Variants in COL5A2 observed in about 807,000 individuals in gnomAD.
COL5A2 encodes the protein collagen type V alpha 2 chain, also known as collagen alpha-2(V) chain.
Under a neutral mutation model 208.2 loss-of-function variants are expected in COL5A2, and 23 were observed. That is an observed-to-expected ratio of 0.11 (90% CI 0.08 to 0.16). COL5A2 has a LOEUF of 0.16. Among genes scored for constraint, COL5A2 ranks in the 10% least tolerant of loss-of-function variants. COL5A2 has a pLI of 1.00. For missense variants in COL5A2, 1,590 were observed against 1,956.4 expected, an observed-to-expected ratio of 0.81 and a Z score of 3.53; for synonymous variants, 625 against 628.5, an observed-to-expected ratio of 0.99 and a Z score of 0.08.
At chr2:189,256,276 G>T in the COL5A2 span, among the ~76,000 whole-genome samples, 1 of 152,306 alleles carries the variant, frequency 6.6e-6, no homozygotes, top group South Asian at 2.1e-4. Context: ...AAACAGATTG[G>T]AGGGACAAGA....
intron 1 of COL5A2, among the ~76,000 whole-genome samples, chr2:189,123,607 G>A (rs961121515): frequency 6.6e-6 from 1 of 152,130 alleles, no homozygotes; most frequent in Admixed American, 6.5e-5. Flanking sequence ...AAGTAACACA[G>A]GTGTATGGTC....
chr2:189,302,705 A>C, the COL5A2 span, among the ~76,000 whole-genome samples: 1 of 152,136 alleles, frequency 6.6e-6, no homozygotes, highest in Non-Finnish European at 1.5e-5. Context: ...AGCATGATGA[A>C]ATCTTGAACT....
At chr2:189,182,149 G>A (rs931542332), upstream of COL5A2, among the ~76,000 whole-genome samples, 1 of 152,164 alleles carries the variant, frequency 6.6e-6, no homozygotes, top group African/African-American at 2.4e-5. Context: ...ATATGTGGTT[G>A]AATTCAGAAT....
chr2:189,036,418 T>G (rs1685444684), intron 52 of COL5A2, among the ~76,000 whole-genome samples, 198 bp downstream of exon 52: 1 of 152,122 alleles, frequency 6.6e-6, no homozygotes, highest in Non-Finnish European at 1.5e-5. Context: ...AATTCAAAAT[T>G]TATGTTAACT....
At chr2:189,405,239 T>C in the COL5A2 span, among the ~76,000 whole-genome samples, 3 of 150,106 alleles carry the variant, frequency 2.0e-5, no homozygotes, top group South Asian at 6.4e-4. Context: ...GCCTTTTTTT[T>C]CTTTTTTTTT....
the COL5A2 span, among the ~76,000 whole-genome samples, chr2:189,326,096 CAAAA>C: frequency 8.3e-5 from 8 of 96,836 alleles, no homozygotes; most frequent in Admixed American, 1.0e-4. Context: ...GACCCTGTCT[CAAAA>C]AAAAAAAAAA....
intron 41 of COL5A2, among the ~76,000 whole-genome samples, chr2:189,051,807 T>C (rs1390260476): frequency 2.0e-5 from 3 of 152,238 alleles, no homozygotes; most frequent in African/African-American, 7.2e-5. Context: ...TATTCTGAGA[T>C]AATTATTTAT....
the COL5A2 span, among the ~76,000 whole-genome samples, chr2:189,367,236 G>A: frequency 6.6e-6 from 1 of 152,038 alleles, no homozygotes; most frequent in East Asian, 1.9e-4. Context: ...CCAACTGCCC[G>A]AATTGGCCCA....
the COL5A2 span, among the ~76,000 whole-genome samples, chr2:189,346,056 T>C: frequency 3.3e-5 from 5 of 152,238 alleles, no homozygotes; most frequent in Non-Finnish European, 7.3e-5. Flanking sequence ...AATATAATGA[T>C]GATTAGTTTA....
the COL5A2 span, among the ~76,000 whole-genome samples, chr2:189,241,645 C>T: frequency 6.6e-6 from 1 of 152,192 alleles, no homozygotes; most frequent in East Asian, 1.9e-4. Flanking sequence ...ATGATCACAC[C>T]CCTGTACTCC....
At chr2:189,180,375 GC>G (rs1172395350), upstream of COL5A2, among the ~76,000 whole-genome samples, 1 of 152,154 alleles carries the variant, frequency 6.6e-6, no homozygotes, top group Non-Finnish European at 1.5e-5. Flanking sequence ...AATTAAGAAA[GC>G]ATGTCCTTTC....
chr2:189,122,648 T>C (rs1559114168), intron 1 of COL5A2, among the ~76,000 whole-genome samples: 1 of 152,232 alleles, frequency 6.6e-6, no homozygotes, highest in Non-Finnish European at 1.5e-5. Context: ...TAAACTCTAC[T>C]GGGCTGTACA....
the COL5A2 span, among the ~76,000 whole-genome samples, chr2:189,428,918 T>C: frequency 2.0e-5 from 3 of 152,116 alleles, no homozygotes; most frequent in South Asian, 2.1e-4. Context: ...TGTCAAAAAA[T>C]AGAAAGTAGA....
the COL5A2 span, among the ~76,000 whole-genome samples, chr2:189,313,751 T>G: frequency 6.6e-6 from 1 of 152,152 alleles, no homozygotes; most frequent in African/African-American, 2.4e-5. Context: ...GAGGAAAATC[T>G]ACCAAGAAAA....
chr2:189,230,979 G>C, the COL5A2 span, among the ~76,000 whole-genome samples: 8 of 151,850 alleles, frequency 5.3e-5, no homozygotes, highest in Non-Finnish European at 8.8e-5. Context: ...ACATACAATG[G>C]AATATTATTC....
chr2:189,398,525 T>C, the COL5A2 span, among the ~76,000 whole-genome samples: 1 of 152,152 alleles, frequency 6.6e-6, no homozygotes, highest in Non-Finnish European at 1.5e-5. Context: ...TCTCTCTTTA[T>C]CACCTATAAT....
intron 4 of COL5A2, among the ~76,000 whole-genome samples, chr2:189,099,313 C>A (rs1687001511): frequency 6.6e-6 from 1 of 152,066 alleles, no homozygotes; most frequent in African/African-American, 2.4e-5. Flanking sequence ...GTAAACACTG[C>A]TAAATAAATC....
At chr2:189,100,357 C>T (rs973808161) in intron 3 of COL5A2, among the ~76,000 whole-genome samples, 11 of 151,966 alleles carry the variant, frequency 7.2e-5, no homozygotes, top group African/African-American at 2.7e-4. Context: ...AAAAATCCAG[C>T]GTGTGAAATA....
chr2:189,299,072 T>C, the COL5A2 span, among the ~76,000 whole-genome samples: 1 of 152,212 alleles, frequency 6.6e-6, no homozygotes, highest in East Asian at 1.9e-4. Context: ...TTTCTAAAGT[T>C]GTATTTTGCT....
Sources: gnomAD v4.1 joint callset for allele counts (sites outside exome capture counted in the v4.1 genomes callset) on GRCh38, gnomAD v4.1.1 for gene constraint, MANE v1.5 for transcripts, NCBI Gene and HGNC (gene_info 2026-07-23, HGNC 2026-07-21) for gene names.